NUP133: variants seen among roughly 807,000 people sequenced by gnomAD.
NUP133 encodes nucleoporin 133.
In NUP133, 66 loss-of-function variants were observed where a neutral mutation model predicts 146.2. That is an observed-to-expected ratio of 0.45 (90% CI 0.37 to 0.55). The LOEUF is 0.55. NUP133 is among the 20% of genes least tolerant of loss of function. The pLI is 0.00. For missense variants in NUP133, 1,277 were observed against 1,374.8 expected (o/e 0.93, Z 1.12); for synonymous variants, 521 against 498.8 (o/e 1.04, Z -0.59).
At chr1:229,481,173 G>A (rs1488045328) in intron 12 of NUP133, among the ~76,000 whole-genome samples, 1 of 151,924 alleles carries the variant, frequency 6.6e-6, no homozygotes, top group Non-Finnish European at 1.5e-5. Flanking sequence ...GTGCTACAGG[G>A]CCCATGACAC....
At chr1:229,492,543 CTCATT>C (rs1195999588) in intron 8 of NUP133, among the ~76,000 whole-genome samples, 1 of 152,114 alleles carries the variant, frequency 6.6e-6, no homozygotes, top group African/African-American at 2.4e-5. Flanking sequence ...CCTAGCACGG[CTCATT>C]TTCCTTCTTC....
Position 229,495,952 on chromosome 1 carries a change from C to T in NUP133, c.915G>A (p.Lys305=), listed in dbSNP as rs1661645201. The change falls in exon 7 of 26, where the codon AAG becomes AAA. Residue 305 remains lysine, a synonymous_variant. Transcript: ENST00000261396. The stretch of plus-strand genomic sequence containing the variant: ...TATTTATATCCCAACTGTATGCATG[C>T]TTTTCTGAAGAATCATCTAATTCCC... The part of the protein sequence containing the change: ...SKWELDDSSE[K]HAYSWDINRA... 1.9e-6 allele frequency: 3 copies of T among 1,611,678 alleles called. No homozygotes were observed. The highest frequency in any genetic ancestry group is 4.5e-5 in the East Asian group (2 of 44,768).
intron 20 of NUP133, among the ~76,000 whole-genome samples, chr1:229,459,849 C>G (rs1356122956): frequency 6.6e-6 from 1 of 152,164 alleles, no homozygotes; most frequent in Admixed American, 6.5e-5. Flanking sequence ...TTTCAACATA[C>G]TGACTTCAAC....
chr1:229,447,048 C>T (rs967393732), intron 24 of NUP133, among the ~76,000 whole-genome samples: 11 of 152,076 alleles, frequency 7.2e-5, no homozygotes, highest in South Asian at 2.1e-4. Context: ...CACTTGAATC[C>T]GGGAGGCGGA....
intron 11 of NUP133, among the ~76,000 whole-genome samples, chr1:229,485,424 T>C (rs1661324343): frequency 6.6e-6 from 1 of 152,100 alleles, no homozygotes; most frequent in Non-Finnish European, 1.5e-5. Flanking sequence ...CTGGAGTGTG[T>C]AAAAAGATTA....
At chr1:229,457,587 ATTATT>A (rs1161578195) in intron 21 of NUP133, among the ~76,000 whole-genome samples, 1 of 152,010 alleles carries the variant, frequency 6.6e-6, no homozygotes, top group Non-Finnish European at 1.5e-5. Flanking sequence ...TAAAATTTGC[ATTATT>A]TTGTTTTAAT....
chr1:229,477,962 ATAATT>A, intron 12 of NUP133, among the ~76,000 whole-genome samples: 1 of 152,202 alleles, frequency 6.6e-6, no homozygotes, highest in Non-Finnish European at 1.5e-5. Flanking sequence ...TACATGTTCA[ATAATT>A]TAGTGTACAT....
intron 24 of NUP133, 99 bp from the exon 25 acceptor site, chr1:229,445,101 G>T: frequency 1.2e-6 from 1 of 853,370 alleles, no homozygotes; most frequent in Non-Finnish European, 1.9e-6. Context: ...TGGCTGTGGG[G>T]GATGGAGAAT....
chr1:229,505,990 A>C (rs764104234), intron 2 of NUP133, 50 bp downstream of exon 2: 6 of 1,050,972 alleles, frequency 5.7e-6, no homozygotes, highest in Non-Finnish European at 8.9e-6. Context: ...TGCCACATCT[A>C]GGCTCCATTT....
chr1:229,449,002 G>A, intron 24 of NUP133, 124 bp downstream of exon 24: 1 of 736,510 alleles, frequency 1.4e-6, no homozygotes, highest in East Asian at 2.7e-5. Flanking sequence ...GTTGCCCAGT[G>A]TAGGAGGTGG....
At chr1:229,449,074 G>A in intron 24 of NUP133, 52 bp downstream of exon 24, 1 of 1,349,912 alleles carries the variant, frequency 7.4e-7, no homozygotes, top group South Asian at 1.2e-5. Flanking sequence ...GGTGAGAGCA[G>A]AGGAAAAGCA....
intron 12 of NUP133, 109 bp from the exon 13 acceptor site, chr1:229,477,869 T>A (rs1229818688): frequency 2.6e-6 from 2 of 777,828 alleles, no homozygotes; most frequent in Non-Finnish European, 4.0e-6. Flanking sequence ...AAGAATGCGA[T>A]CCTGTCATTC....
intron 10 of NUP133, among the ~76,000 whole-genome samples, chr1:229,486,990 C>T (rs1299367941): frequency 6.6e-6 from 1 of 150,816 alleles, no homozygotes; most frequent in African/African-American, 2.4e-5. Flanking sequence ...TGTGCTGGGA[C>T]TAGAAAACCT....
intron 25 of NUP133, 127 bp from the exon 26 acceptor site, chr1:229,442,167 C>A: frequency 1.1e-6 from 1 of 882,288 alleles, no homozygotes; most frequent in Non-Finnish European, 1.7e-6. Context: ...TTGGGAAATA[C>A]TCTCTTCTAA....
chr1:229,447,373 T>C (rs1421760173), intron 24 of NUP133, among the ~76,000 whole-genome samples: 2 of 152,186 alleles, frequency 1.3e-5, no homozygotes, highest in Non-Finnish European at 2.9e-5. Context: ...AATATCATAA[T>C]CTTCCTGTAA....
chr1:229,480,187 T>C (rs528860567), intron 12 of NUP133, among the ~76,000 whole-genome samples: 1 of 152,316 alleles, frequency 6.6e-6, no homozygotes, highest in South Asian at 2.1e-4. Context: ...AGGGAGCTCT[T>C]ATCAAGGGCT....
At chr1:229,480,594 T>C (rs951442664) in intron 12 of NUP133, among the ~76,000 whole-genome samples, 1 of 152,184 alleles carries the variant, frequency 6.6e-6, no homozygotes, top group African/African-American at 2.4e-5. Context: ...CTTAAAAGTG[T>C]TATCTACCAA....
At chr1:229,472,176 G>A (rs575168330) in intron 14 of NUP133, among the ~76,000 whole-genome samples, 2 of 152,018 alleles carry the variant, frequency 1.3e-5, no homozygotes, top group South Asian at 2.1e-4. Flanking sequence ...AAAATTAGCC[G>A]GGCGTGGTGG....
chr1:229,463,520 G>A (rs368383971), intron 19 of NUP133, 23 bp downstream of exon 19: 162 of 1,594,798 alleles, frequency 1.0e-4, no homozygotes, highest in Non-Finnish European at 1.4e-4. Flanking sequence ...GGACTCAGTG[G>A]CCACACACCC....
Sources: gnomAD v4.1 joint callset for allele counts (sites outside exome capture counted in the v4.1 genomes callset) on GRCh38, gnomAD v4.1.1 for gene constraint, MANE v1.5 for transcripts, NCBI Gene and HGNC (gene_info 2026-07-23, HGNC 2026-07-21) for gene names.